Variants in ZEB2 observed in about 807,000 individuals in gnomAD.
ZEB2 encodes the protein zinc finger E-box binding homeobox 2.
ZEB2 carries 6 observed loss-of-function variants against 99.9 expected under a neutral mutation model. The ratio of observed to expected loss-of-function variants is 0.06; its 90% CI spans 0.03 to 0.12. The LOEUF (loss-of-function observed/expected upper bound fraction) is 0.12, where lower values mean the gene tolerates loss of function less well. Among genes scored for constraint, ZEB2 ranks in the 10% least tolerant of loss-of-function variants. ZEB2 has a pLI of 1.00. For missense variants in ZEB2, 969 were observed against 1,502.8 expected, an observed-to-expected ratio of 0.64 and a Z score of 5.87; for synonymous variants, 517 against 542.5, an observed-to-expected ratio of 0.95 and a Z score of 0.65.
At position 144,490,107 on chromosome 2, in the gene ZEB2, T is replaced by G. The variant is rs976098527; in HGVS notation, c.73+27171A>C. On this transcript the variant is annotated intron_variant, in intron 2 of 9. Transcript: ENST00000627532. ...AGACAATGGGTTGGGATATTCTAATTAAACACCTAGTTCCCTGAAAGTGAT... is the reference window on the plus strand; with the variant it reads ...AGACAATGGGTTGGGATATTCTAATGAAACACCTAGTTCCCTGAAAGTGAT... Among the ~76,000 whole-genome samples, 61 of 152,274 alleles carry G rather than the reference T, an allele frequency of 4.0e-4. 1 individual carries two copies. The highest frequency in any genetic ancestry group is 1.4e-3 in the African/African-American group (57 of 41,540).
intron 2 of ZEB2, among the ~76,000 whole-genome samples, chr2:144,452,009 A>T (rs1704060884): frequency 6.6e-6 from 1 of 152,190 alleles, no homozygotes; most frequent in South Asian, 2.1e-4. Flanking sequence ...TGAGGAAGTT[A>T]TGAAGACTGC....
intron 2 of ZEB2, among the ~76,000 whole-genome samples, chr2:144,517,044 C>T (rs1705161845): frequency 1.3e-5 from 2 of 149,088 alleles, no homozygotes; most frequent in South Asian, 4.2e-4. Context: ...GCCGGACCCC[C>T]GCGCTCGGAC....
intron 2 of ZEB2, among the ~76,000 whole-genome samples, chr2:144,491,166 GGTGGGCGCCAT>G (rs1445634675): frequency 1.3e-5 from 2 of 152,246 alleles, no homozygotes; most frequent in Non-Finnish European, 2.9e-5. Context: ...AAGGAGCTGG[GGTGGGCGCCAT>G]GTGGGCGCCA....
chr2:144,485,776 G>A (rs1475537109), intron 2 of ZEB2, among the ~76,000 whole-genome samples: 3 of 151,922 alleles, frequency 2.0e-5, no homozygotes, highest in Admixed American at 6.6e-5. Flanking sequence ...TCGCCACCAC[G>A]CCCGGCTAAT....
intron 2 of ZEB2, chr2:144,464,011 T>C (rs1334414906): frequency 6.6e-6 from 1 of 151,292 alleles, no homozygotes; most frequent in Admixed American, 6.6e-5. Flanking sequence ...GGGAAAGAGG[T>C]CATGGAGGTA....
chr2:144,517,750 T>G, intron 1 of ZEB2: 1 of 694,692 alleles, frequency 1.4e-6, no homozygotes, highest in Non-Finnish European at 2.6e-6. Context: ...GCGGACCCTT[T>G]CCTTCGAAAA....
At chr2:144,487,499 A>G (rs1358742293) in intron 2 of ZEB2, among the ~76,000 whole-genome samples, 1 of 152,222 alleles carries the variant, frequency 6.6e-6, no homozygotes, top group African/African-American at 2.4e-5. Flanking sequence ...GAAAAAGGGA[A>G]AGGTAAAGAA....
intron 4 of ZEB2, among the ~76,000 whole-genome samples, chr2:144,405,760 T>C (rs1703378224): frequency 6.6e-6 from 1 of 152,158 alleles, no homozygotes; most frequent in Non-Finnish European, 1.5e-5. Flanking sequence ...GAAACTGGTG[T>C]GTGATTTTGA....
chr2:144,416,625 T>C (rs989110519), intron 4 of ZEB2, among the ~76,000 whole-genome samples: 1 of 152,222 alleles, frequency 6.6e-6, no homozygotes, highest in African/African-American at 2.4e-5. Flanking sequence ...CTTCTGATCT[T>C]ACTGCTAAAA....
In ZEB2 at chr2:144,396,389, C is replaced by A. The variant is rs753928602; in HGVS notation, c.3067+23G>T. 57 of 1,612,416 alleles carry A rather than the reference C, an allele frequency of 3.5e-5. 1 individual carries two copies. Among genetic ancestry groups the A allele is most frequent in the Non-Finnish European group, 4.0e-5 (47 of 1,179,880 alleles). On this transcript the variant is annotated intron_variant, in intron 9 of 9. Coordinates refer to ENST00000627532, the MANE Select transcript of ZEB2 (RefSeq NM_014795.4). Reference sequence around the variant, plus strand: ...GTACAGCAGGACGGGAAGCTCTAACCAGTTAGGCAAAGTCACTCATACCTG... The same window carrying A: ...GTACAGCAGGACGGGAAGCTCTAACAAGTTAGGCAAAGTCACTCATACCTG...
intron 2 of ZEB2, chr2:144,512,985 C>A: frequency 2.3e-6 from 3 of 1,287,248 alleles, no homozygotes; most frequent in Non-Finnish European, 3.0e-6. Context: ...AAGATTTCCA[C>A]ACTTTGCAAA....
intron 3 of ZEB2, chr2:144,428,130 A>G (rs1321330157): frequency 6.6e-6 from 1 of 152,184 alleles, no homozygotes; most frequent in East Asian, 1.9e-4. Context: ...AAATTCTAGT[A>G]ATTGGTCCTT....
At chr2:144,427,265 A>G (rs937264705) in intron 3 of ZEB2, 13 of 152,246 alleles carry the variant, frequency 8.5e-5, no homozygotes, top group African/African-American at 3.1e-4. Flanking sequence ...TGTCCACCCC[A>G]TTGTGGGACG....
intron 2 of ZEB2, among the ~76,000 whole-genome samples, chr2:144,474,226 C>A (rs187740436): frequency 2.6e-5 from 4 of 152,322 alleles, no homozygotes; most frequent in African/African-American, 9.6e-5. Context: ...AATAGTAACA[C>A]ATTGCAGACA....
At chr2:144,420,416 A>T (rs1703603995) in intron 4 of ZEB2, among the ~76,000 whole-genome samples, 1 of 152,058 alleles carries the variant, frequency 6.6e-6, no homozygotes, top group Non-Finnish European at 1.5e-5. Context: ...TAATTACCTC[A>T]GTAATTATTT....
At chr2:144,511,891 A>G (rs978641000) in intron 2 of ZEB2, 2 of 1,287,120 alleles carry the variant, frequency 1.6e-6, no homozygotes, top group African/African-American at 1.5e-5. Context: ...CATCTTGGCT[A>G]AAAAGCATAT....
chr2:144,444,498 C>T (rs1276385176), intron 2 of ZEB2, among the ~76,000 whole-genome samples: 2 of 152,062 alleles, frequency 1.3e-5, no homozygotes, highest in Non-Finnish European at 2.9e-5. Context: ...AGCTGGGGGT[C>T]GGGGATTTAA....
chr2:144,474,606 G>A (rs1423834657), intron 2 of ZEB2, among the ~76,000 whole-genome samples: 2 of 152,142 alleles, frequency 1.3e-5, no homozygotes, highest in Non-Finnish European at 2.9e-5. Context: ...CTTAATTCAC[G>A]GGTCTTAAAA....
At chr2:144,415,993 T>C (rs1703534976) in intron 4 of ZEB2, among the ~76,000 whole-genome samples, 1 of 152,260 alleles carries the variant, frequency 6.6e-6, no homozygotes, top group South Asian at 2.1e-4. Context: ...AGATAGTCCA[T>C]GCAGAACCTG....
Sources: gnomAD v4.1 joint callset for allele counts (sites outside exome capture counted in the v4.1 genomes callset) on GRCh38, gnomAD v4.1.1 for gene constraint, MANE v1.5 for transcripts, NCBI Gene and HGNC (gene_info 2026-07-23, HGNC 2026-07-21) for gene names.